SLC12A5: variants seen among roughly 807,000 people sequenced by gnomAD.
The protein encoded by SLC12A5 is solute carrier family 12 member 5.
In SLC12A5, 18 loss-of-function variants were observed where a neutral mutation model predicts 124.0. The observed-to-expected ratio is 0.15, with a 90% CI of 0.10 to 0.22. The LOEUF (loss-of-function observed/expected upper bound fraction) is 0.22. Among genes scored for constraint, SLC12A5 ranks in the 10% least tolerant of loss-of-function variants. The pLI is 1.00. For synonymous variants in SLC12A5, 589 were observed against 568.0 expected (o/e 1.04, Z -0.53); for missense variants, 867 against 1,478.7 (o/e 0.59, Z 6.78).
At chr20:46,051,624 C>T in intron 17 of SLC12A5, 51 bp from the exon 18 acceptor site, 1 of 1,544,022 alleles carries the variant, frequency 6.5e-7, no homozygotes, top group African/African-American at 1.4e-5. Context: ...ATGGGCCCAG[C>T]CAGGGCCAGG....
rs143969641 is a variant in SLC12A5, at chr20:46,034,991, C to T, written c.96C>T (p.Thr32=). ...AAAGCAGTCCCTTCATCAACAGCAC[C>T]GACACAGAGAAGGGAAAGGAGTATG... ...PKESSPFINS[T]DTEKGKEYDG... is the part of the protein sequence containing the mutation. Residue 32 remains threonine (T), a synonymous_variant, in exon 2 of 26, where the codon ACC becomes ACT. Transcript: ENST00000243964. The T allele has an allele frequency of 3.2e-3, 5,114 of 1,613,968 alleles. 23 individuals are homozygous for T. Among genetic ancestry groups the T allele is most frequent in the Non-Finnish European group, 3.7e-3 (4,423 of 1,179,942 alleles).
intron 6 of SLC12A5, among the ~76,000 whole-genome samples, chr20:46,039,223 G>A (rs373816946): frequency 1.1e-4 from 16 of 152,104 alleles, no homozygotes; most frequent in African/African-American, 2.9e-4. Flanking sequence ...GAATGTAAAC[G>A]TTAATATTTA....
intron 16 of SLC12A5, among the ~76,000 whole-genome samples, chr20:46,048,826 C>G (rs1169045205): frequency 6.6e-6 from 1 of 151,292 alleles, no homozygotes; most frequent in Non-Finnish European, 1.5e-5. Context: ...CGAGATTGTA[C>G]CACTGCACTC....
intron 1 of SLC12A5, 33 bp from the exon 2 acceptor site, chr20:46,034,915 G>T (rs745873709): frequency 4.4e-6 from 7 of 1,602,492 alleles, no homozygotes; most frequent in East Asian, 2.2e-5. Flanking sequence ...ACAACTGATT[G>T]GTTCCAGATC....
intron 11 of SLC12A5, 60 bp from the exon 12 acceptor site, chr20:46,044,906 C>T: frequency 1.9e-6 from 3 of 1,602,796 alleles, no homozygotes; most frequent in East Asian, 2.2e-5. Flanking sequence ...GGTATGGAGA[C>T]CTGCCCTGGA....
intron 6 of SLC12A5, 78 bp from the exon 7 acceptor site, chr20:46,040,295 T>C: frequency 6.3e-7 from 1 of 1,576,094 alleles, no homozygotes; most frequent in Non-Finnish European, 8.6e-7. Context: ...GTGATGAGCA[T>C]CTTTTTTCCT....
chr20:46,052,214 G>A (rs12624433), intron 18 of SLC12A5, among the ~76,000 whole-genome samples: 31,453 of 152,194 alleles, frequency 0.21, 3,897 homozygotes, highest in East Asian at 0.33. Flanking sequence ...CTGTGCACAC[G>A]TGACTCACTC....
rs545214300 is a variant in SLC12A5, at chr20:46,035,337, C to T, written c.148-67C>T. 12 of 1,561,906 alleles carry T rather than the reference C, an allele frequency of 7.7e-6. No homozygotes were observed. In the African/African-American group the frequency reaches 1.2e-4, roughly 16 times the overall value. On this transcript the variant is annotated intron_variant, in intron 2 of 25. Transcript: ENST00000243964. The stretch of plus-strand genomic sequence containing the variant: ...CTCCTTGTCCCCATCTCTTCCTCTG[C>T]CCTTCGCCACCCAGCTCACTCCACT...
chr20:46,040,471 G>C lies in SLC12A5; in HGVS notation c.711G>C (p.Val237=). The stretch of plus-strand genomic sequence containing the variant: ...ACATGCGTGTTTACGGCACCTGTGT[G>C]CTCACCTGCATGGCCACTGTGGTGT... ...LNNMRVYGTC[V]LTCMATVVFV... The change falls in exon 7 of 26, where the codon GTG becomes GTC. Residue 237 remains valine, a synonymous_variant. Transcript: ENST00000243964. The C allele has an allele frequency of 6.2e-7, 1 of 1,614,242 alleles. No individual in the cohort carries two copies. The highest frequency in any genetic ancestry group is 1.1e-5 in the South Asian group (1 of 91,084).
upstream of SLC12A5, among the ~76,000 whole-genome samples, chr20:46,025,266 A>G (rs1470176723): frequency 1.3e-5 from 2 of 152,264 alleles, no homozygotes; most frequent in East Asian, 3.9e-4. Context: ...GGGAAGAATA[A>G]TGCTGTTATT....
Position 46,057,667 on chromosome 20 carries a change from C to A in SLC12A5, c.*62C>A. 1 of 1,239,982 alleles carries A rather than the reference C, an allele frequency of 8.1e-7. No individual in the cohort carries two copies. The highest frequency in any genetic ancestry group is 1.1e-6 in the Non-Finnish European group (1 of 891,732). The allele number at this position is 1,239,982 out of a possible 1,614,324, so 76.8% of individuals were successfully genotyped here. A position where few individuals can be genotyped will look rare whatever the true frequency, so the allele number is the denominator to read the frequency against. ...GCCCGCGGCTCCGGAGCCCTCGCCG[C>A]GCCCCCCGCCGCTGTCACCGTTTAC... is the stretch of plus-strand genomic sequence containing the variant. On this transcript the variant is annotated 3_prime_UTR_variant, in exon 26 of 26. Coordinates refer to ENST00000243964, the MANE Select transcript of SLC12A5 (RefSeq NM_020708.5). The surrounding 1 kb of genome is among the most constrained non-coding windows in gnomAD (Gnocchi z 7.1).
chr20:46,040,402 C>G lies in SLC12A5; in HGVS notation c.642C>G (p.Phe214Leu). 6.2e-7 allele frequency: 1 copy of G among 1,614,202 alleles called. No individual in the cohort carries two copies. The highest frequency in any genetic ancestry group is 2.2e-5 in the East Asian group (1 of 44,892). The change falls in exon 7 of 26, where the codon TTC (phenylalanine) becomes TTG (leucine). Residue 214 changes from phenylalanine to leucine, a missense_variant. Physicochemically the swap from Phe to Leu is conservative, Grantham distance 22. Transcript: ENST00000243964. Reference protein sequence around the residue: ...LAYLFPAMAIFKAEDASGEAA... With the variant: ...LAYLFPAMAILKAEDASGEAA... ...ACCTCTTCCCAGCCATGGCCATCTT[C>G]AAGGCAGAAGATGCCAGTGGGGAGG...
In SLC12A5 at chr20:46,043,189, T is replaced by C; in HGVS notation, c.1103T>C (p.Ile368Thr). The C allele has an allele frequency of 1.2e-6, 2 of 1,613,714 alleles. No homozygotes were observed. Among genetic ancestry groups the C allele is most frequent in the Non-Finnish European group, 1.7e-6 (2 of 1,179,888 alleles). The stretch of plus-strand genomic sequence containing the variant: ...AGCTCCTACCTGACCAAGGGCGTGA[T>C]TGTGGAGAGGAGTGGGATGACCTCG... ...LWSSYLTKGV[I>T]VERSGMTSVG... is the part of the protein sequence containing the mutation. Residue 368 changes from isoleucine to threonine, a missense_variant, in exon 9 of 26, where the codon ATT (isoleucine) becomes ACT (threonine). Transcript: ENST00000243964.
chr20:46,035,950 C>A, intron 4 of SLC12A5, 27 bp downstream of exon 4: 1 of 1,590,814 alleles, frequency 6.3e-7, no homozygotes, highest in East Asian at 2.3e-5. Context: ...CCCTCACCAC[C>A]CCCTGACAGC....
rs1195604412 is a variant in SLC12A5 at position 46,034,932 on chromosome 20, C to T, written c.53-16C>T. Reference sequence around the variant, plus strand: ...AACTGATTGGTTCCAGATCCCTGACCCCTCTCCCTTCTCAGGTGATGGCAA... The same window carrying T: ...AACTGATTGGTTCCAGATCCCTGACTCCTCTCCCTTCTCAGGTGATGGCAA... On this transcript the variant is annotated splice_polypyrimidine_tract_variant and intron_variant, in intron 1 of 25. Coordinates refer to ENST00000243964, the MANE Select transcript of SLC12A5 (RefSeq NM_020708.5). The T allele has an allele frequency of 1.8e-5, 29 of 1,612,464 alleles. No homozygotes were observed. Among genetic ancestry groups the T allele is most frequent in the East Asian group, 2.2e-5 (1 of 44,896 alleles).
At chr20:46,023,077 C>T (rs1272889885) in intron 2 of SLC12A5, 3 of 400,504 alleles carry the variant, frequency 7.5e-6, no homozygotes, top group Non-Finnish European at 1.3e-5. Flanking sequence ...CGCAGGTGAG[C>T]TCGCCCCGAA....
At chr20:46,048,670 AGACAAGCCTG>A (rs2084621073) in intron 16 of SLC12A5, among the ~76,000 whole-genome samples, 2 of 152,284 alleles carry the variant, frequency 1.3e-5, no homozygotes, top group South Asian at 4.1e-4. Flanking sequence ...CAGGGGTTTG[AGACAAGCCTG>A]GACAACATGG....
In SLC12A5 at chr20:46,056,564, C is replaced by T. The variant is rs1304640833; in HGVS notation, c.3110C>T (p.Pro1037Leu). 1.9e-6 allele frequency: 3 copies of T among 1,613,420 alleles called. No homozygotes were observed. The highest frequency in any genetic ancestry group is 1.1e-5 in the South Asian group (1 of 90,982). ...ATCAAGGACTTCTTCAGCATGAAGC[C>T]GTACGGGCCTGGGGGCTAAGGGCTG... Reference protein sequence around the residue: ...EGIKDFFSMKPEWENLNQSNV... With the variant: ...EGIKDFFSMKLEWENLNQSNV... The change falls in exon 23 of 26, where the codon CCG (proline) becomes CTG (leucine). Residue 1037 changes from proline to leucine, a missense_variant and splice_region_variant. Pro to Leu is a moderately conservative substitution (Grantham distance 98). Coordinates refer to ENST00000243964, the MANE Select transcript of SLC12A5 (RefSeq NM_020708.5). The surrounding 1 kb of genome is among the most constrained non-coding windows in gnomAD (Gnocchi z 4.3).
At position 46,056,125 on chromosome 20, in the gene SLC12A5, G is replaced by T; in HGVS notation, c.2788-25G>T. ...ATGGGTGGTGACTCCCAGCAGAGCTGGCACCAACCTATGTCACTCCCTAGA... is the reference window on the plus strand; with the variant it reads ...ATGGGTGGTGACTCCCAGCAGAGCTTGCACCAACCTATGTCACTCCCTAGA... On this transcript the variant is annotated intron_variant, in intron 21 of 25. Transcript: ENST00000243964. This position sits in a 1 kb window ranked among gnomAD's most constrained non-coding sequence, Gnocchi z 4.3. 1 of 1,613,344 alleles carries T rather than the reference G, an allele frequency of 6.2e-7. No homozygotes were observed. The highest frequency in any genetic ancestry group is 1.1e-5 in the South Asian group (1 of 90,996).
Sources: allele counts gnomAD v4.1 joint callset (sites outside exome capture counted in the v4.1 genomes callset), GRCh38; gene constraint gnomAD v4.1.1; non-coding constraint Gnocchi (gnomAD v3.1); transcripts MANE v1.5; gene names NCBI Gene and HGNC (gene_info 2026-07-23, HGNC 2026-07-21).